Variants in ADAMTS17 observed in about 807,000 individuals in gnomAD.
ADAMTS17 encodes the protein ADAM metallopeptidase with thrombospondin type 1 motif 17.
A neutral mutation model predicts 141.5 loss-of-function variants in ADAMTS17; 113 were observed. That is an observed-to-expected ratio of 0.80 (90% CI 0.69 to 0.93). The LOEUF is 0.93. ADAMTS17 is among the 40% of genes least tolerant of loss of function. ADAMTS17 has a pLI of 0.00. For synonymous variants in ADAMTS17, 768 were observed against 630.6 expected (o/e 1.22, Z -3.27); for missense variants, 1,659 against 1,517.9 (o/e 1.09, Z -1.54).
intron 15 of ADAMTS17, 48 bp from the exon 16 acceptor site, chr15:100,054,102 G>A (rs1458905503): frequency 1.9e-6 from 3 of 1,609,088 alleles, no homozygotes; most frequent in Non-Finnish European, 2.6e-6. Flanking sequence ...GGGGGTAGGG[G>A]GATCCAGCCT....
intron 8 of ADAMTS17, among the ~76,000 whole-genome samples, chr15:100,164,241 T>C (rs1174564271): frequency 2.0e-5 from 3 of 152,174 alleles, no homozygotes; most frequent in Non-Finnish European, 2.9e-5. Context: ...GGGAGGATGA[T>C]ACAAAGTACT....
At chr15:100,160,496 GTT>G in intron 8 of ADAMTS17, among the ~76,000 whole-genome samples, 1 of 152,318 alleles carries the variant, frequency 6.6e-6, no homozygotes, top group Middle Eastern at 3.4e-3. Context: ...AGACAACTTG[GTT>G]ATCAAATGAA....
intron 8 of ADAMTS17, among the ~76,000 whole-genome samples, chr15:100,195,277 C>T (rs893838234): frequency 3.3e-5 from 5 of 152,324 alleles, no homozygotes; most frequent in East Asian, 1.9e-4. Context: ...AGCTCGTGTC[C>T]GCAGCAGGGC....
chr15:100,325,900 C>T lies in ADAMTS17; in HGVS notation c.616+4989G>A, dbSNP rs2045885343. On this transcript the variant is annotated intron_variant, in intron 3 of 21. Transcript: ENST00000268070. ...CAAGGAGAGAAGCCTGGAACAGATC[C>T]TTTCCTCATAGCCTCAGAAGGAACC... Among the ~76,000 whole-genome samples the T allele has an allele frequency of 2.6e-5, 4 of 152,320 alleles. No individual in the cohort carries two copies. In the South Asian group the frequency reaches 8.3e-4, roughly 32 times the overall value.
At chr15:99,998,073 A>T (rs1187110841) in intron 18 of ADAMTS17, among the ~76,000 whole-genome samples, 1 of 152,158 alleles carries the variant, frequency 6.6e-6, no homozygotes. Context: ...CGCCTGCGCT[A>T]CTGTCAGTGA....
Position 100,099,834 on chromosome 15 carries a change from T to C in ADAMTS17, c.2017-3358A>G, listed in dbSNP as rs762999997. Among the ~76,000 whole-genome samples, 18 of 152,150 alleles carry C rather than the reference T, an allele frequency of 1.2e-4. 1 individual carries two copies. Among genetic ancestry groups the C allele is most frequent in the Admixed American group, 3.3e-4 (5 of 15,286 alleles). On this transcript the variant is annotated intron_variant, in intron 14 of 21. Transcript: ENST00000268070. ...TCCTGAGAAACATGCAGAAAGTGCT[T>C]GGAAAAGCTTTAGTGCTCAGATCCG...
chr15:100,181,464 A>G (rs1033064652), intron 8 of ADAMTS17, among the ~76,000 whole-genome samples: 1 of 152,236 alleles, frequency 6.6e-6, no homozygotes, highest in African/African-American at 2.4e-5. Context: ...GCCAAGGCCC[A>G]TGGCATACTA....
At chr15:100,285,270 T>C (rs1438564171) in intron 3 of ADAMTS17, among the ~76,000 whole-genome samples, 1 of 152,230 alleles carries the variant, frequency 6.6e-6, no homozygotes, top group Admixed American at 6.5e-5. Flanking sequence ...TTTTAGAATC[T>C]TCAAATTACA....
chr15:100,153,642 T>G (rs2039295219), intron 9 of ADAMTS17, among the ~76,000 whole-genome samples: 1 of 152,082 alleles, frequency 6.6e-6, no homozygotes, highest in Non-Finnish European at 1.5e-5. Context: ...AGACTCTGAC[T>G]CATAAATAAC....
chr15:100,111,760 T>C (rs2036797697), intron 13 of ADAMTS17, among the ~76,000 whole-genome samples: 1 of 152,262 alleles, frequency 6.6e-6, no homozygotes, highest in Admixed American at 6.5e-5. Flanking sequence ...TATTTACTAC[T>C]ACTGTGTTCC....
At chr15:100,185,866 C>T (rs1409107123) in intron 8 of ADAMTS17, among the ~76,000 whole-genome samples, 1 of 152,220 alleles carries the variant, frequency 6.6e-6, no homozygotes, top group African/African-American at 2.4e-5. Flanking sequence ...CACAAGCCTC[C>T]TGGTGCCACT....
chr15:100,097,852 C>A (rs2035856476), intron 14 of ADAMTS17, among the ~76,000 whole-genome samples: 1 of 152,208 alleles, frequency 6.6e-6, no homozygotes, highest in East Asian at 1.9e-4. Context: ...ATTTAGTAAT[C>A]CTCAGGTCTC....
rs1232680891 is a variant in ADAMTS17 at position 100,195,937 on chromosome 15, TAC to T, written c.1181+3379_1181+3380del. On this transcript the variant is annotated intron_variant, in intron 8 of 21. Transcript: ENST00000268070. The stretch of plus-strand genomic sequence containing the variant: ...TAACTATAAATTTTTAAAAAAGCAA[TAC>T]TAGTTTCCTAACCTGTAAAGTAAAA... Among the ~76,000 whole-genome samples, 8 of 152,320 alleles carry T rather than the reference TAC, an allele frequency of 5.3e-5. No homozygotes were observed. The East Asian group carries it at 1.3e-3, about 26-fold the overall frequency.
Position 100,105,431 on chromosome 15 carries a change from C to T in ADAMTS17, c.2016+3558G>A, listed in dbSNP as rs550626112. Among the ~76,000 whole-genome samples, 4 of 152,316 alleles carry T rather than the reference C, an allele frequency of 2.6e-5. No individual in the cohort carries two copies. In the East Asian group the frequency reaches 7.7e-4, roughly 29 times the overall value. On this transcript the variant is annotated intron_variant, in intron 14 of 21. Coordinates refer to ENST00000268070, the MANE Select transcript of ADAMTS17 (RefSeq NM_139057.4). ...GGTGGAGGCACTGGAAATAGACAGG[C>T]TGGTCCTGGGGATGGAGTGACATCT...
intron 3 of ADAMTS17, among the ~76,000 whole-genome samples, chr15:100,299,833 C>A (rs538641883): frequency 6.6e-6 from 1 of 152,144 alleles, no homozygotes; most frequent in African/African-American, 2.4e-5. Flanking sequence ...ACCTCTCCCC[C>A]AGTCCCCAAA....
At chr15:100,184,487 G>T (rs1330528436) in intron 8 of ADAMTS17, among the ~76,000 whole-genome samples, 1 of 152,194 alleles carries the variant, frequency 6.6e-6, no homozygotes, top group Middle Eastern at 3.2e-3. Flanking sequence ...TTTAGAGAAG[G>T]TTACCTTTAC....
At chr15:100,296,576 G>A (rs1596470026) in intron 3 of ADAMTS17, among the ~76,000 whole-genome samples, 1 of 55,464 alleles carries the variant, frequency 1.8e-5, no homozygotes. Context: ...AGGGGGTGAG[G>A]GGGGGTGTGT....
At chr15:100,255,065 G>A (rs532538008) in intron 6 of ADAMTS17, among the ~76,000 whole-genome samples, 16 of 152,286 alleles carry the variant, frequency 1.1e-4, no homozygotes, top group African/African-American at 3.6e-4. Flanking sequence ...CTGGGTGGGT[G>A]GTATCTGTGG....
intron 10 of ADAMTS17, among the ~76,000 whole-genome samples, chr15:100,144,257 T>C (rs1157045944): frequency 2.0e-5 from 3 of 152,138 alleles, no homozygotes; most frequent in African/African-American, 7.2e-5. Context: ...TATAAAAATA[T>C]CTGTGATTCC....
Sources: allele counts gnomAD v4.1 joint callset (sites outside exome capture counted in the v4.1 genomes callset), GRCh38; gene constraint gnomAD v4.1.1; transcripts MANE v1.5; gene names NCBI Gene and HGNC (gene_info 2026-07-23, HGNC 2026-07-21).